PSD3: variants seen among roughly 807,000 people sequenced by gnomAD.
PSD3 encodes PH and SEC7 domain-containing protein 3.
Under a neutral mutation model 105.5 loss-of-function variants are expected in PSD3, and 49 were observed. The ratio of observed to expected loss-of-function variants is 0.46; its 90% confidence interval spans 0.37 to 0.59. The LOEUF (loss-of-function observed/expected upper bound fraction) is 0.59. PSD3 is among the 20% of genes least tolerant of loss of function. PSD3 has a pLI of 0.00. For missense variants in PSD3, 1,561 were observed against 1,263.8 expected, an observed-to-expected ratio of 1.24 and a Z score of -3.57; for synonymous variants, 557 against 457.8, an observed-to-expected ratio of 1.22 and a Z score of -2.77.
At chr8:18,819,838 A>T (rs1232849756) in intron 4 of PSD3, among the ~76,000 whole-genome samples, 1 of 152,144 alleles carries the variant, frequency 6.6e-6, no homozygotes, top group Non-Finnish European at 1.5e-5. Context: ...CGGCCTCCCA[A>T]AGTGCTGGGT....
chr8:18,939,274 T>C (rs79883631), intron 1 of PSD3, among the ~76,000 whole-genome samples: 4,299 of 152,256 alleles, frequency 0.028, 210 homozygotes, highest in African/African-American at 0.097. Context: ...GAGGGGGTGA[T>C]TTACATATTT....
chr8:18,946,917 TAAATA>T (rs1344908168), intron 1 of PSD3, among the ~76,000 whole-genome samples: 2 of 149,022 alleles, frequency 1.3e-5, no homozygotes, highest in African/African-American at 4.9e-5. Flanking sequence ...AAAATAAAAA[TAAATA>T]AAATAAAATA....
At chr8:19,021,131 G>A (rs1367183170) in intron 1 of PSD3, among the ~76,000 whole-genome samples, 1 of 152,208 alleles carries the variant, frequency 6.6e-6, no homozygotes, top group Admixed American at 6.5e-5. Context: ...AGGGAGATGA[G>A]TAAGAACATG....
chr8:19,083,669 C>A (rs1229953606), intron 1 of PSD3, among the ~76,000 whole-genome samples: 1 of 136,494 alleles, frequency 7.3e-6, no homozygotes, highest in Admixed American at 6.9e-5. Context: ...CTCCACAGCT[C>A]CCTGGAGCCT....
At chr8:18,676,700 T>C (rs1268029482) in intron 9 of PSD3, among the ~76,000 whole-genome samples, 1 of 152,216 alleles carries the variant, frequency 6.6e-6, no homozygotes, top group Non-Finnish European at 1.5e-5. Flanking sequence ...CCTACCCCTC[T>C]TTTGTGCTTT....
chr8:18,674,636 C>G (rs566923820), intron 9 of PSD3, among the ~76,000 whole-genome samples: 2 of 152,258 alleles, frequency 1.3e-5, no homozygotes, highest in African/African-American at 4.8e-5. Context: ...AGAAAATCTC[C>G]TCAAAACACT....
At position 18,535,863 on chromosome 8, in the gene PSD3, C is replaced by T. The variant is rs567201323; in HGVS notation, c.3024G>A (p.Ser1008=). ...CCGGGTTCAGCGAAGGACTCGAGTGCGACTTCTTCAGTCCTGCAGCCTCGC... is the reference window on the plus strand; with the variant it reads ...CCGGGTTCAGCGAAGGACTCGAGTGTGACTTCTTCAGTCCTGCAGCCTCGC... ...DESEAAGLKK[S]HSSPSLNPDT... Residue 1008 remains serine, a synonymous_variant, in exon 16 of 16, where the codon TCG becomes TCA. Transcript: ENST00000327040. 2.8e-5 allele frequency: 46 copies of T among 1,614,102 alleles called. No homozygotes were observed. The highest frequency in any genetic ancestry group is 1.6e-4 in the Middle Eastern group (1 of 6,062).
At chr8:18,905,830 T>G (rs1387672885) in intron 2 of PSD3, among the ~76,000 whole-genome samples, 2 of 152,180 alleles carry the variant, frequency 1.3e-5, no homozygotes, top group Non-Finnish European at 2.9e-5. Context: ...AGGCCTAAAA[T>G]AATTTTTACC....
chr8:18,572,588 G>A lies in PSD3; in HGVS notation c.2724C>T (p.Ile908=), dbSNP rs201448476. The A allele has an allele frequency of 2.2e-5, 36 of 1,614,104 alleles. No homozygotes were observed. Among genetic ancestry groups the A allele is most frequent in the Middle Eastern group, 1.6e-4 (1 of 6,062 alleles). The change falls in exon 14 of 16, where the codon ATC becomes ATT. Residue 908 remains isoleucine (I), a synonymous_variant. Transcript: ENST00000327040. ...GGCGGCTAAACTTCTTCTGAGAGCC[G>A]ATTGCTGCTGGAAATGGTGGTGCAG... The part of the protein sequence containing the change: ...VFSAPPFPAA[I]GSQKKFSRPL...
chr8:18,821,280 G>A (rs1211827770), intron 4 of PSD3, among the ~76,000 whole-genome samples: 1 of 151,420 alleles, frequency 6.6e-6, no homozygotes, highest in East Asian at 1.9e-4. Flanking sequence ...CTTTTAAAAT[G>A]CTATTTTTCA....
rs752060431 is a variant in PSD3 at position 18,800,679 on chromosome 8, G to A, written c.2023+591C>T. 7.2e-4 allele frequency among the ~76,000 whole-genome samples: 110 copies of A among 152,150 alleles called. 1 individual carries two copies. The highest frequency in any genetic ancestry group is 1.4e-3 in the Non-Finnish European group (96 of 68,030). ...AAGTCACTTACTTTGTAAAAATAGTGTAATATGCATAACCTCATAGTTTAT... is the reference window on the plus strand; with the variant it reads ...AAGTCACTTACTTTGTAAAAATAGTATAATATGCATAACCTCATAGTTTAT... On this transcript the variant is annotated intron_variant, in intron 7 of 15. Transcript: ENST00000327040.
intron 4 of PSD3, among the ~76,000 whole-genome samples, chr8:18,843,312 G>T (rs552077404): frequency 2.1e-5 from 3 of 142,544 alleles, no homozygotes; most frequent in Non-Finnish European, 3.0e-5. Flanking sequence ...AGTGAGCCGA[G>T]ATCGCACGAG....
At chr8:18,893,638 G>T (rs748528493) in intron 2 of PSD3, among the ~76,000 whole-genome samples, 75 of 151,442 alleles carry the variant, frequency 5.0e-4, no homozygotes, top group Non-Finnish European at 2.5e-4. Context: ...AGCAGGATCG[G>T]AACTCCAGGC....
At chr8:18,937,229 C>T (rs1280543069) in intron 1 of PSD3, among the ~76,000 whole-genome samples, 1 of 152,184 alleles carries the variant, frequency 6.6e-6, no homozygotes, top group Non-Finnish European at 1.5e-5. Flanking sequence ...TTTGACCTAG[C>T]ACAGTCAGGG....
intron 15 of PSD3, among the ~76,000 whole-genome samples, chr8:18,555,207 G>C (rs1172935695): frequency 2.0e-5 from 3 of 151,884 alleles, no homozygotes; most frequent in Non-Finnish European, 4.4e-5. Context: ...CCAGGGCTCA[G>C]CAGAGGAAGT....
chr8:18,888,370 G>A (rs1178269709), intron 2 of PSD3, among the ~76,000 whole-genome samples: 1 of 152,064 alleles, frequency 6.6e-6, no homozygotes, highest in Non-Finnish European at 1.5e-5. Flanking sequence ...TTACAGATCA[G>A]TATAACCACG....
chr8:19,036,321 C>T (rs1238208234), intron 1 of PSD3, among the ~76,000 whole-genome samples: 1 of 152,084 alleles, frequency 6.6e-6, no homozygotes, highest in Non-Finnish European at 1.5e-5. Flanking sequence ...CAGGAAGGTG[C>T]AGTTCCATGC....
rs1817357313 is a variant in PSD3, at chr8:18,871,686, A to G, written c.1178T>C (p.Phe393Ser). ...RLDESGEDEV[F>S]LQENKQHLEK... The stretch of plus-strand genomic sequence containing the variant: ...AAGATGCTGTTTGTTTTCCTGTAGG[A>G]AGACTTCATCCTCTCCACTCTCATC... The change falls in exon 3 of 16, where the codon TTC becomes TCC. Residue 393 changes from phenylalanine (F) to serine (S), a missense_variant. Phe to Ser is a radical substitution (Grantham distance 155). Coordinates refer to ENST00000327040, the MANE Select transcript of PSD3 (RefSeq NM_015310.4). 1 of 1,613,760 alleles carries G rather than the reference A, an allele frequency of 6.2e-7. No homozygotes were observed. Among genetic ancestry groups the G allele is most frequent in the African/African-American group, 1.3e-5 (1 of 74,894 alleles).
intron 9 of PSD3, among the ~76,000 whole-genome samples, chr8:18,710,147 T>C (rs1042401546): frequency 1.3e-5 from 2 of 152,028 alleles, no homozygotes; most frequent in African/African-American, 2.4e-5. Context: ...GAGAGGAACA[T>C]AAATGACCTC....
Sources: allele counts gnomAD v4.1 joint callset (sites outside exome capture counted in the v4.1 genomes callset), GRCh38; gene constraint gnomAD v4.1.1; transcripts MANE v1.5; gene names NCBI Gene and HGNC (gene_info 2026-07-23, HGNC 2026-07-21).